Variants in EFR3B observed in about 807,000 individuals in gnomAD.
EFR3B encodes protein EFR3 homolog B.
Under a neutral mutation model 104.7 loss-of-function variants are expected in EFR3B, and 64 were observed. That is an observed-to-expected ratio of 0.61 (90% CI 0.50 to 0.75). The LOEUF (loss-of-function observed/expected upper bound fraction) is 0.75, where lower values mean the gene tolerates loss of function less well. Ranked by LOEUF, EFR3B falls within the 30% of genes least tolerant of loss-of-function variation. The probability of loss-of-function intolerance (pLI) is 0.00; values close to 1 mark genes in which losing one functional copy is unlikely to be tolerated. For missense variants in EFR3B, 750 were observed against 1,078.5 expected (o/e 0.70, Z 4.27); for synonymous variants, 385 against 417.9 (o/e 0.92, Z 0.96).
chr2:25,087,847 T>C (rs1390930107), intron 1 of EFR3B, among the ~76,000 whole-genome samples: 1 of 146,958 alleles, frequency 6.8e-6, no homozygotes, highest in African/African-American at 2.7e-5. Context: ...CCCTTGGTTT[T>C]TTATCTAAGA....
chr2:25,130,584 A>G lies in EFR3B; in HGVS notation c.803A>G (p.Lys268Arg), dbSNP rs1252502155. ...HLDNHSLWEP[K>R]VFAIRCFKII... ...GATAACCATTCTCTTTGGGAACCCA[A>G]GGTGTTTGCCATCCGTTGCTTTAAA... is the stretch of plus-strand genomic sequence containing the variant. The change falls in exon 8 of 23, where the codon AAG becomes AGG. Residue 268 changes from lysine to arginine, a missense_variant. Transcript: ENST00000403714. This position sits in a 1 kb window ranked among gnomAD's most constrained non-coding sequence, Gnocchi z 4.6. 6.4e-7 allele frequency: 1 copy of G among 1,551,718 alleles called. No individual in the cohort carries two copies. The highest frequency in any genetic ancestry group is 1.2e-5 in the South Asian group (1 of 84,058).
intron 15 of EFR3B, among the ~76,000 whole-genome samples, chr2:25,138,826 T>G (rs932367444): frequency 6.6e-6 from 1 of 152,174 alleles, no homozygotes; most frequent in Non-Finnish European, 1.5e-5. Flanking sequence ...GCCTCTGTAG[T>G]CTGTGAGTAC....
chr2:25,042,341 G>C lies in EFR3B; in HGVS notation c.7+22G>C, dbSNP rs1387035103. The stretch of plus-strand genomic sequence containing the variant: ...TACGGTAAGGAGGGCTCCGCGCCCG[G>C]GCCCGGGCCCGCGGGGGCGACTCCG... On this transcript the variant is annotated intron_variant, in intron 1 of 22. Transcript: ENST00000403714. The surrounding 1 kb of genome is among the most constrained non-coding windows in gnomAD (Gnocchi z 5.4). 7.9e-7 allele frequency: 1 copy of C among 1,259,058 alleles called. No homozygotes were observed. The highest frequency in any genetic ancestry group is 1.0e-6 in the Non-Finnish European group (1 of 1,000,772). The allele number at this position is 1,259,058 out of a possible 1,614,324, so 78.0% of individuals were successfully genotyped here.
intron 1 of EFR3B, among the ~76,000 whole-genome samples, chr2:25,083,114 C>G (rs1265907591): frequency 6.6e-6 from 1 of 152,176 alleles, no homozygotes; most frequent in Non-Finnish European, 1.5e-5. Context: ...CAGCTACATA[C>G]TAGGGAATTG....
rs1444924481 is a variant in EFR3B at position 25,091,543 on chromosome 2, A to G, written c.84+142A>G. The G allele has an allele frequency of 7.0e-5, 50 of 710,002 alleles. No individual in the cohort carries two copies. The East Asian group carries it at 1.5e-3, about 21-fold the overall frequency. The allele number at this position is 710,002 out of a possible 1,614,324, so 44.0% of individuals were successfully genotyped here. ...CCTGGGCACTGAGCCTTCCCAGAGA[A>G]ACTGGAACCTGGGCTACAGCCATGG... On this transcript the variant is annotated intron_variant, in intron 2 of 22. Coordinates refer to ENST00000403714, the MANE Select transcript of EFR3B (RefSeq NM_014971.2).
chr2:25,100,515 C>T (rs1184833050), intron 3 of EFR3B, among the ~76,000 whole-genome samples: 1 of 151,758 alleles, frequency 6.6e-6, no homozygotes, highest in Non-Finnish European at 1.5e-5. Context: ...TTTTTTGAGA[C>T]GGAGTCTCAC....
At chr2:25,058,745 T>G (rs928822164) in intron 1 of EFR3B, among the ~76,000 whole-genome samples, 11 of 143,278 alleles carry the variant, frequency 7.7e-5, no homozygotes, top group South Asian at 2.2e-4. Flanking sequence ...GGAGACAGAG[T>G]GAGACTCTGT....
chr2:25,047,354 G>A (rs981863332), intron 1 of EFR3B, among the ~76,000 whole-genome samples: 1 of 152,042 alleles, frequency 6.6e-6, no homozygotes. Flanking sequence ...TTGAACCTGA[G>A]CATTTCTGAG....
intron 5 of EFR3B, among the ~76,000 whole-genome samples, 161 bp from the exon 6 acceptor site, chr2:25,128,022 A>G (rs1670213822): frequency 6.6e-6 from 1 of 152,194 alleles, no homozygotes; most frequent in African/African-American, 2.4e-5. Context: ...CATGTCTGCC[A>G]GCACCAGGAG....
At chr2:25,052,257 C>T (rs1239041356) in intron 1 of EFR3B, among the ~76,000 whole-genome samples, 1 of 151,382 alleles carries the variant, frequency 6.6e-6, no homozygotes, top group South Asian at 2.1e-4. Context: ...TGAGCCACTG[C>T]GCCTGGCAGA....
intron 1 of EFR3B, among the ~76,000 whole-genome samples, chr2:25,075,117 C>G (rs1233269690): frequency 3.9e-5 from 6 of 152,120 alleles, no homozygotes; most frequent in African/African-American, 1.4e-4. Flanking sequence ...TCAGTTACAC[C>G]TGATTTTCAA....
chr2:25,131,270 CTTTAG>C lies in EFR3B; in HGVS notation c.850-93_850-89del. 1 of 1,475,320 alleles carries C rather than the reference CTTTAG, an allele frequency of 6.8e-7. No homozygotes were observed. The allele number at this position is 1,475,320 out of a possible 1,614,324, so 91.4% of individuals were successfully genotyped here. On this transcript the variant is annotated intron_variant, in intron 8 of 22. Transcript: ENST00000403714. This position sits in a 1 kb window ranked among gnomAD's most constrained non-coding sequence, Gnocchi z 7.6. Reference sequence around the variant, plus strand: ...CAGTGCCCGGGGCCTTGGAACGTCCCTTTAGTTTACCCCCGCCTTTGGGTGCCAGG... The same window carrying C: ...CAGTGCCCGGGGCCTTGGAACGTCCCTTTACCCCCGCCTTTGGGTGCCAGG...
intron 4 of EFR3B, among the ~76,000 whole-genome samples, chr2:25,119,743 A>C (rs1249365286): frequency 6.6e-6 from 1 of 152,234 alleles, no homozygotes; most frequent in Non-Finnish European, 1.5e-5. Context: ...CAGTCAACAG[A>C]AAATAGCTGT....
chr2:25,149,952 G>A (rs1670954776), intron 20 of EFR3B, among the ~76,000 whole-genome samples: 1 of 152,320 alleles, frequency 6.6e-6, no homozygotes, highest in East Asian at 1.9e-4. Context: ...CAGTAGTGAG[G>A]CCCTGTGTGG....
chr2:25,121,607 A>T (rs1006300166), intron 4 of EFR3B, 66 bp from the exon 5 acceptor site: 18 of 1,540,348 alleles, frequency 1.2e-5, no homozygotes, highest in Non-Finnish European at 1.5e-5. Flanking sequence ...GGGTCTGGGG[A>T]TGCCCAGCAG....
At chr2:25,134,335 T>G (rs1024512746) in intron 12 of EFR3B, among the ~76,000 whole-genome samples, 2 of 151,982 alleles carry the variant, frequency 1.3e-5, no homozygotes, top group Non-Finnish European at 2.9e-5. Flanking sequence ...GCCTAGCTAA[T>G]TTTTTTGTAT....
At chr2:25,144,434 C>T (rs1255529948) in intron 18 of EFR3B, among the ~76,000 whole-genome samples, 1 of 152,080 alleles carries the variant, frequency 6.6e-6, no homozygotes, top group Non-Finnish European at 1.5e-5. Flanking sequence ...GTCCCAGCTA[C>T]TCTGGAGGCT....
At chr2:25,071,124 C>A (rs1349767544) in intron 1 of EFR3B, among the ~76,000 whole-genome samples, 1 of 152,086 alleles carries the variant, frequency 6.6e-6, no homozygotes, top group Non-Finnish European at 1.5e-5. Context: ...CCATGCCCAG[C>A]TAATTTTTTG....
intron 4 of EFR3B, among the ~76,000 whole-genome samples, chr2:25,119,460 T>G (rs1011106128): frequency 6.6e-6 from 1 of 152,186 alleles, no homozygotes; most frequent in Non-Finnish European, 1.5e-5. Flanking sequence ...GCACCTCAAG[T>G]CTGTTCCAGC....
Sources: allele counts gnomAD v4.1 joint callset (sites outside exome capture counted in the v4.1 genomes callset), GRCh38; gene constraint gnomAD v4.1.1; non-coding constraint Gnocchi (gnomAD v3.1); transcripts MANE v1.5; gene names NCBI Gene and HGNC (gene_info 2026-07-23, HGNC 2026-07-21).